VRK2: variants seen among roughly 807,000 people sequenced by gnomAD.
VRK2 encodes serine/threonine-protein kinase VRK2.
In VRK2, 60 loss-of-function variants were observed where a neutral mutation model predicts 57.6. The observed-to-expected ratio is 1.04, with a 90% confidence interval of 0.85 to 1.29. The LOEUF is 1.29. Among genes scored for constraint, VRK2 ranks in the 50% most tolerant of loss-of-function variants. The probability of loss-of-function intolerance (pLI) is 0.00; values close to 1 mark genes in which losing one functional copy is unlikely to be tolerated. For missense variants in VRK2, 705 were observed against 588.1 expected (o/e 1.20, Z -2.06); for synonymous variants, 231 against 199.2 (o/e 1.16, Z -1.35).
chr2:57,926,439 A>ATG lies in VRK2; in HGVS notation c.-439+18628_-439+18629dup, dbSNP rs142768773. On this transcript the variant is annotated intron_variant, in intron 1 of 15. Coordinates refer to the VRK2 transcript ENST00000417641. ...GTCACATATATATATACATATATAT[A>ATG]TGTGTGTGTGTGTGTGTGTGTGTGT... Among the ~76,000 whole-genome samples, 1,038 of 145,690 alleles carry ATG rather than the reference A, an allele frequency of 7.1e-3. 10 individuals are homozygous for ATG. Among genetic ancestry groups the ATG allele is most frequent in the East Asian group, 0.018 (87 of 4,968 alleles).
intron 12 of VRK2, 48 bp downstream of exon 12, chr2:58,146,522 G>C: frequency 1.3e-6 from 2 of 1,566,992 alleles, no homozygotes; most frequent in Non-Finnish European, 1.7e-6. Context: ...TGTTACATTA[G>C]AATATGCCCT....
At chr2:57,955,786 A>T (rs1671569213) in intron 1 of VRK2, among the ~76,000 whole-genome samples, 1 of 152,182 alleles carries the variant, frequency 6.6e-6, no homozygotes, top group Admixed American at 6.6e-5. Flanking sequence ...ATTTACTGTG[A>T]GAGATTAGCA....
intron 1 of VRK2, among the ~76,000 whole-genome samples, chr2:58,007,243 A>T (rs1407614585): frequency 6.6e-6 from 1 of 151,352 alleles, no homozygotes; most frequent in East Asian, 1.9e-4. Flanking sequence ...TCTCTCTCAT[A>T]TATATGTATG....
intron 7 of VRK2, among the ~76,000 whole-genome samples, chr2:58,109,640 A>G (rs1451633480): frequency 1.3e-5 from 2 of 152,174 alleles, no homozygotes; most frequent in African/African-American, 4.8e-5. Flanking sequence ...TCTCAGGAGA[A>G]TTCACTCACT....
Position 57,929,877 on chromosome 2 carries a change from G to T in VRK2, c.-439+22038G>T, listed in dbSNP as rs1041680006. Among the ~76,000 whole-genome samples the T allele has an allele frequency of 2.6e-5, 4 of 152,088 alleles. 1 individual carries two copies. In the South Asian group the frequency reaches 8.3e-4, roughly 32 times the overall value. ...TTGTCCAGAAGCTAGGGCCTAAAAT[G>T]GGGGCTGTTGGACTCTGCCTGGTGC... On this transcript the variant is annotated intron_variant, in intron 1 of 15. Transcript: ENST00000417641.
At position 58,106,422 on chromosome 2, in the gene VRK2, G is replaced by A. The variant is rs140397417; in HGVS notation, c.544-16679G>A. Among the ~76,000 whole-genome samples the A allele has an allele frequency of 8.4e-4, 128 of 152,026 alleles. 1 individual carries two copies. The highest frequency in any genetic ancestry group is 3.0e-3 in the African/African-American group (126 of 41,526). ...GAAAAGCAGATCATGAGGTCAAAAT[G>A]CTATTATCATTTATAATATTACTAA... On this transcript the variant is annotated intron_variant, in intron 7 of 12. Transcript: ENST00000340157.
intron 4 of VRK2, among the ~76,000 whole-genome samples, chr2:58,085,544 A>G (rs1248747737): frequency 6.6e-6 from 1 of 151,952 alleles, no homozygotes; most frequent in Non-Finnish European, 1.5e-5. Context: ...TGTGATATAG[A>G]TGGGCTAAGA....
At chr2:58,152,715 TTTA>T (rs1683252206) in intron 12 of VRK2, among the ~76,000 whole-genome samples, 1 of 151,976 alleles carries the variant, frequency 6.6e-6, no homozygotes, top group African/African-American at 2.4e-5. Flanking sequence ...TAGTGGTGGA[TTTA>T]TATTTTATTT....
intron 1 of VRK2, among the ~76,000 whole-genome samples, chr2:57,936,174 G>C (rs1398661383): frequency 6.6e-6 from 1 of 152,176 alleles, no homozygotes; most frequent in African/African-American, 2.4e-5. Flanking sequence ...CAAAAAGCTA[G>C]ATTGAGGCCA....
chr2:57,977,219 T>G (rs572125726), intron 1 of VRK2, among the ~76,000 whole-genome samples: 1 of 152,156 alleles, frequency 6.6e-6, no homozygotes, highest in African/African-American at 2.4e-5. Flanking sequence ...TGTTTCCAAA[T>G]GAATTATAGA....
chr2:57,967,391 A>AG, intron 1 of VRK2, among the ~76,000 whole-genome samples: 1 of 152,126 alleles, frequency 6.6e-6, no homozygotes, highest in South Asian at 2.1e-4. Flanking sequence ...ATAATAAGAT[A>AG]GATAATCTCA....
chr2:58,028,903 AATATATATAT>A (rs58729342), intron 2 of VRK2, among the ~76,000 whole-genome samples: 4,623 of 53,926 alleles, frequency 0.086, 155 homozygotes, highest in Non-Finnish European at 0.099. Context: ...TAAATAAATA[AATATATATAT>A]ATATATATAT....
At chr2:57,940,460 A>G (rs1671057336) in intron 1 of VRK2, among the ~76,000 whole-genome samples, 1 of 152,196 alleles carries the variant, frequency 6.6e-6, no homozygotes. Context: ...TGTTAATCTT[A>G]TCTGGAAACA....
At chr2:58,137,281 A>G (rs1405568747) in intron 10 of VRK2, among the ~76,000 whole-genome samples, 1 of 47,128 alleles carries the variant, frequency 2.1e-5, no homozygotes, top group Non-Finnish European at 6.1e-5. Flanking sequence ...GTTTGTATAT[A>G]TATCTCTTAC....
chr2:58,054,459 A>G (rs913959030), intron 2 of VRK2, among the ~76,000 whole-genome samples: 1 of 151,572 alleles, frequency 6.6e-6, no homozygotes, highest in Non-Finnish European at 1.5e-5. Context: ...GCTCACCTCT[A>G]TTGCCACACA....
chr2:57,968,684 G>A (rs1247024543), intron 1 of VRK2, among the ~76,000 whole-genome samples: 1 of 151,956 alleles, frequency 6.6e-6, no homozygotes, highest in African/African-American at 2.4e-5. Context: ...TTTGCTCCAT[G>A]TTACCACGAG....
At chr2:57,921,394 C>G (rs1353926210) in intron 1 of VRK2, among the ~76,000 whole-genome samples, 1 of 151,860 alleles carries the variant, frequency 6.6e-6, no homozygotes. Context: ...AAAATGTATA[C>G]TATATCTTCA....
Position 58,077,706 on chromosome 2 carries a change from C to A in VRK2, c.137-6383C>A, listed in dbSNP as rs570457538. On this transcript the variant is annotated intron_variant, in intron 2 of 12. Transcript: ENST00000340157. ...TACCCTCTCTGGCAGTTCTCTTGAA[C>A]TTATCCTAGTGATTCTTCTTCCTAT... Among the ~76,000 whole-genome samples, 20 of 152,180 alleles carry A rather than the reference C, an allele frequency of 1.3e-4. No individual in the cohort carries two copies. In the South Asian group the frequency reaches 3.9e-3, roughly 30 times the overall value.
intron 7 of VRK2, among the ~76,000 whole-genome samples, chr2:58,105,530 G>A (rs951954989): frequency 2.0e-5 from 3 of 151,500 alleles, no homozygotes; most frequent in Admixed American, 6.6e-5. Flanking sequence ...GCTATTATGA[G>A]AAAGACAAAA....
Sources: gnomAD v4.1 joint callset for allele counts (sites outside exome capture counted in the v4.1 genomes callset) on GRCh38, gnomAD v4.1.1 for gene constraint, MANE v1.5 for transcripts, NCBI Gene and HGNC (gene_info 2026-07-23, HGNC 2026-07-21) for gene names.